Variants in GXYLT2 observed in about 807,000 individuals in gnomAD.
GXYLT2 encodes the protein glucoside xylosyltransferase 2, also known as glycosyltransferase 8 domain containing 4.
Under a neutral mutation model 45.8 loss-of-function variants are expected in GXYLT2, and 53 were observed. The ratio of observed to expected loss-of-function variants is 1.16; its 90% CI spans 0.93 to 1.46. The LOEUF (loss-of-function observed/expected upper bound fraction) is 1.46, where lower values mean the gene tolerates loss of function less well. Ranked by LOEUF, GXYLT2 falls within the 40% of genes most tolerant of loss-of-function variation. The pLI is 0.00. For missense variants in GXYLT2, 551 were observed against 544.4 expected (o/e 1.01, Z -0.12); for synonymous variants, 219 against 214.2 (o/e 1.02, Z -0.19).
chr3:72,902,327 C>G (rs1709424977), intron 1 of GXYLT2, among the ~76,000 whole-genome samples: 1 of 152,196 alleles, frequency 6.6e-6, no homozygotes, highest in Admixed American at 6.5e-5. Flanking sequence ...CCTAGTTTCT[C>G]CACATCCTAA....
At chr3:72,929,297 A>G (rs1201182758) in intron 3 of GXYLT2, 8 of 1,250,124 alleles carry the variant, frequency 6.4e-6, no homozygotes, top group Non-Finnish European at 9.3e-6. Context: ...CCTTCAGGAT[A>G]TCAAGAAACC....
chr3:72,922,274 G>GAAACCCTCAGGA lies in GXYLT2; in HGVS notation c.540_551dup (p.Asn181_Glu184dup). 6.2e-7 allele frequency: 1 copy of GAAACCCTCAGGA among 1,613,814 alleles called. No homozygotes were observed. Among genetic ancestry groups the GAAACCCTCAGGA allele is most frequent in the Non-Finnish European group, 8.5e-7 (1 of 1,179,780 alleles). On this transcript the variant is annotated inframe_insertion, in exon 3 of 7. Transcript: ENST00000389617. The stretch of plus-strand genomic sequence containing the variant: ...ATCTACCCCATCACATTTTCTGTTG[G>GAAACCCTCAGGA]AAACCCTCAGGAGTGGAAGAAATTG...
At chr3:72,900,663 C>A (rs893701113) in intron 1 of GXYLT2, among the ~76,000 whole-genome samples, 21 of 151,970 alleles carry the variant, frequency 1.4e-4, no homozygotes, top group African/African-American at 4.1e-4. Context: ...GGTGATCCAC[C>A]CGCCTCGGCC....
chr3:72,909,061 T>C (rs1709566094), intron 2 of GXYLT2, among the ~76,000 whole-genome samples: 1 of 127,956 alleles, frequency 7.8e-6, no homozygotes, highest in Non-Finnish European at 1.6e-5. Context: ...TTTCTTCCTT[T>C]CTTTTTTTTT....
chr3:72,963,402 G>T (rs1007879049), intron 5 of GXYLT2, among the ~76,000 whole-genome samples: 4 of 151,804 alleles, frequency 2.6e-5, no homozygotes, highest in African/African-American at 7.3e-5. Flanking sequence ...GCGAAACCCT[G>T]TTTCTACTAA....
At chr3:72,959,592 G>C (rs1710730135) in intron 5 of GXYLT2, among the ~76,000 whole-genome samples, 1 of 151,930 alleles carries the variant, frequency 6.6e-6, no homozygotes, top group Admixed American at 6.6e-5. Context: ...ATTTCACTGT[G>C]ACAGTAGGTC....
At chr3:72,893,228 A>G (rs979426468) in intron 1 of GXYLT2, among the ~76,000 whole-genome samples, 2 of 152,062 alleles carry the variant, frequency 1.3e-5, no homozygotes, top group African/African-American at 4.8e-5. Context: ...AACTCCATTT[A>G]GTTTTCTGGC....
intron 2 of GXYLT2, among the ~76,000 whole-genome samples, chr3:72,914,051 C>G (rs1360308798): frequency 1.3e-5 from 2 of 152,130 alleles, no homozygotes; most frequent in African/African-American, 4.8e-5. Flanking sequence ...TCACCCTTCT[C>G]CAGGGCATTG....
At chr3:72,895,921 G>A (rs1471171159) in intron 1 of GXYLT2, among the ~76,000 whole-genome samples, 1 of 152,096 alleles carries the variant, frequency 6.6e-6, no homozygotes, top group Non-Finnish European at 1.5e-5. Context: ...TATAATCCAA[G>A]CTTTACATAA....
intron 2 of GXYLT2, among the ~76,000 whole-genome samples, chr3:72,911,619 G>A (rs1014330712): frequency 6.6e-6 from 1 of 152,108 alleles, no homozygotes; most frequent in African/African-American, 2.4e-5. Context: ...CAACACTTGT[G>A]TGTGAGCTGG....
At chr3:72,895,507 T>C (rs974463397) in intron 1 of GXYLT2, among the ~76,000 whole-genome samples, 1 of 152,242 alleles carries the variant, frequency 6.6e-6, no homozygotes, top group Admixed American at 6.5e-5. Flanking sequence ...ACGGTTCCTT[T>C]TAAAACTCAC....
intron 3 of GXYLT2, among the ~76,000 whole-genome samples, chr3:72,954,399 C>CTGTGTGTGTGTGTGTG (rs3078688): frequency 0.03 from 4,059 of 133,812 alleles, 253 homozygotes; most frequent in African/African-American, 0.1. Flanking sequence ...TGCTCCCAGC[C>CTGTGTGTGTGTGTGTG]TGTGTGTGTG....
chr3:72,928,213 T>C (rs1467764430), intron 3 of GXYLT2, among the ~76,000 whole-genome samples: 1 of 152,216 alleles, frequency 6.6e-6, no homozygotes, highest in Admixed American at 6.5e-5. Flanking sequence ...CAAGCATAAC[T>C]TGTGAAAATA....
chr3:72,966,843 T>A (rs1323684750), intron 5 of GXYLT2, among the ~76,000 whole-genome samples: 1 of 152,034 alleles, frequency 6.6e-6, no homozygotes, highest in Non-Finnish European at 1.5e-5. Flanking sequence ...CAGACTGATC[T>A]CAAACTCCTG....
rs759443878 is a variant in GXYLT2 at position 72,922,307 on chromosome 3, C to G, written c.572C>G (p.Pro191Arg). The part of the protein sequence containing the change: ...NPQEWKKLFK[P>R]CAAQRLFLPV... ...CAGGAGTGGAAGAAATTGTTCAAACCCTGTGCTGCCCAGAGACTCTTTCTT... is the reference window on the plus strand; with the variant it reads ...CAGGAGTGGAAGAAATTGTTCAAACGCTGTGCTGCCCAGAGACTCTTTCTT... The change falls in exon 3 of 7, where the codon CCC becomes CGC. Residue 191 changes from proline (P) to arginine (R), a missense_variant. Physicochemically the swap from Pro to Arg is moderately radical, Grantham distance 103. Coordinates refer to ENST00000389617, the MANE Select transcript of GXYLT2 (RefSeq NM_001080393.2). The G allele has an allele frequency of 6.2e-7, 1 of 1,613,648 alleles. No individual in the cohort carries two copies. The highest frequency in any genetic ancestry group is 1.1e-5 in the South Asian group (1 of 91,008).
intron 3 of GXYLT2, among the ~76,000 whole-genome samples, chr3:72,950,877 T>C (rs1163425401): frequency 1.3e-5 from 2 of 152,194 alleles, no homozygotes; most frequent in Non-Finnish European, 2.9e-5. Context: ...CAGGGTTCAC[T>C]GGAGGTGGGT....
At chr3:72,908,598 A>G (rs1388981463) in intron 2 of GXYLT2, 39 bp downstream of exon 2, 1 of 1,293,300 alleles carries the variant, frequency 7.7e-7, no homozygotes, top group African/African-American at 1.9e-5. Context: ...TTTACTAAGT[A>G]CAAACAGACT....
In GXYLT2 at chr3:72,928,300, A is replaced by G. The variant is rs577253318; in HGVS notation, c.600+5965A>G. 3.3e-5 allele frequency among the ~76,000 whole-genome samples: 5 copies of G among 152,370 alleles called. No homozygotes were observed. In the East Asian group the frequency reaches 9.6e-4, roughly 29 times the overall value. ...CAAATGAAGGAACATTTATTCAAGA[A>G]AATCTACTAAAACTTGGTAAGAAGA... On this transcript the variant is annotated intron_variant, in intron 3 of 6. Coordinates refer to ENST00000389617, the MANE Select transcript of GXYLT2 (RefSeq NM_001080393.2).
chr3:72,904,270 C>A (rs1322715881), intron 1 of GXYLT2, among the ~76,000 whole-genome samples: 1 of 152,238 alleles, frequency 6.6e-6, no homozygotes, highest in Non-Finnish European at 1.5e-5. Context: ...TGGATCCTCA[C>A]AATCTTGATT....
Sources: gnomAD v4.1 joint callset for allele counts (sites outside exome capture counted in the v4.1 genomes callset) on GRCh38, gnomAD v4.1.1 for gene constraint, MANE v1.5 for transcripts, NCBI Gene and HGNC (gene_info 2026-07-23, HGNC 2026-07-21) for gene names.